Variants in ASB15 observed in about 807,000 individuals in gnomAD.
The protein encoded by ASB15 is ankyrin repeat and SOCS box containing 15.
In ASB15, 54 loss-of-function variants were observed where a neutral mutation model predicts 58.0. The ratio of observed to expected loss-of-function variants is 0.93; its 90% confidence interval spans 0.75 to 1.17. The LOEUF (loss-of-function observed/expected upper bound fraction) is 1.17. ASB15 is among the 50% of genes most tolerant of loss of function. The probability of loss-of-function intolerance (pLI) is 0.00; values close to 1 mark genes in which losing one functional copy is unlikely to be tolerated. For missense variants in ASB15, 680 were observed against 707.4 expected, an observed-to-expected ratio of 0.96 and a Z score of 0.44; for synonymous variants, 249 against 262.4, an observed-to-expected ratio of 0.95 and a Z score of 0.50.
At chr7:123,573,569 C>A (rs1422604764) in intron 1 of ASB15, among the ~76,000 whole-genome samples, 2 of 152,098 alleles carry the variant, frequency 1.3e-5, no homozygotes, top group Admixed American at 6.5e-5. Flanking sequence ...CTCCCTCCCC[C>A]TGCCATCCCA....
At chr7:123,617,448 G>C in intron 6 of ASB15, 131 bp from the exon 7 acceptor site, 1 of 835,512 alleles carries the variant, frequency 1.2e-6, no homozygotes, top group East Asian at 2.6e-5. Flanking sequence ...GTAAACTTTT[G>C]TCAAAGTCCT....
intron 11 of ASB15, among the ~76,000 whole-genome samples, chr7:123,631,621 CA>C (rs1388996414): frequency 6.6e-6 from 1 of 152,004 alleles, no homozygotes; most frequent in Admixed American, 6.5e-5. Context: ...AAAGGACCCA[CA>C]AAAAAGTTGG....
At chr7:123,577,130 T>C (rs1799088791) in intron 1 of ASB15, among the ~76,000 whole-genome samples, 1 of 152,204 alleles carries the variant, frequency 6.6e-6, no homozygotes, top group African/African-American at 2.4e-5. Flanking sequence ...CTCTGTCTTT[T>C]TCATATTATT....
At chr7:123,567,706 G>A (rs771351316) in intron 1 of ASB15, among the ~76,000 whole-genome samples, 2 of 152,222 alleles carry the variant, frequency 1.3e-5, no homozygotes, top group Middle Eastern at 3.4e-3. Context: ...TTCTGAAAAT[G>A]TACAGGGGAC....
At chr7:123,606,401 C>T (rs1326290923) in intron 2 of ASB15, among the ~76,000 whole-genome samples, 1 of 152,164 alleles carries the variant, frequency 6.6e-6, no homozygotes, top group Non-Finnish European at 1.5e-5. Flanking sequence ...GAGGTAGATG[C>T]TAAGCTAATT....
rs1193373660 is a variant in ASB15, at chr7:123,616,771, T to C, written c.292+276T>C. 3.3e-5 allele frequency among the ~76,000 whole-genome samples: 5 copies of C among 152,064 alleles called. No individual in the cohort carries two copies. The South Asian group carries it at 8.3e-4, about 25-fold the overall frequency. ...ATCACATAAAAGTGATAAAAGTTTCTATATATCATGAATTAATTGAGTCAT... is the reference window on the plus strand; with the variant it reads ...ATCACATAAAAGTGATAAAAGTTTCCATATATCATGAATTAATTGAGTCAT... On this transcript the variant is annotated intron_variant, in intron 6 of 11. Transcript: ENST00000451215.
At chr7:123,623,887 G>GAAAAGAA (rs539444999) in intron 7 of ASB15, among the ~76,000 whole-genome samples, 2 of 106,596 alleles carry the variant, frequency 1.9e-5, no homozygotes, top group Non-Finnish European at 3.9e-5. Context: ...GAAAAGAAAA[G>GAAAAGAA]AAGAAAGAAA....
At chr7:123,571,951 T>C (rs1798918363) in intron 1 of ASB15, among the ~76,000 whole-genome samples, 1 of 151,612 alleles carries the variant, frequency 6.6e-6, no homozygotes, top group Non-Finnish European at 1.5e-5. Context: ...TTTAATGTTT[T>C]TATAGAGATG....
At chr7:123,607,122 T>C (rs1209731574) in intron 2 of ASB15, among the ~76,000 whole-genome samples, 2 of 152,250 alleles carry the variant, frequency 1.3e-5, no homozygotes, top group Non-Finnish European at 2.9e-5. Context: ...TATTTCACAA[T>C]GTATACATAT....
At chr7:123,632,924 A>G (rs1211425548) in intron 11 of ASB15, among the ~76,000 whole-genome samples, 1 of 152,244 alleles carries the variant, frequency 6.6e-6, no homozygotes, top group Non-Finnish European at 1.5e-5. Flanking sequence ...TTTCATCAAC[A>G]ATACTTTATG....
At chr7:123,631,947 G>C (rs1802141039) in intron 11 of ASB15, among the ~76,000 whole-genome samples, 1 of 151,886 alleles carries the variant, frequency 6.6e-6, no homozygotes, top group South Asian at 2.1e-4. Flanking sequence ...GCGTGCTGGC[G>C]GGCGCCTGTA....
At chr7:123,631,998 A>G (rs990588433) in intron 11 of ASB15, among the ~76,000 whole-genome samples, 3 of 152,192 alleles carry the variant, frequency 2.0e-5, no homozygotes, top group African/African-American at 7.2e-5. Flanking sequence ...GAATGGCGTG[A>G]ACCCGGGAGG....
chr7:123,616,420 G>A lies in ASB15; in HGVS notation c.217G>A (p.Asp73Asn). Residue 73 changes from aspartate (D) to asparagine (N), a missense_variant, in exon 6 of 12, where the codon GAT becomes AAT. By Grantham distance (23) the Asp-to-Asn change is conservative. Transcript: ENST00000451215. ...ATATAAATATGCAATGGATGAAGCT[G>A]ATGAAAAAGGATGGTTTCCATTGCA... is the stretch of plus-strand genomic sequence containing the variant. ...VKYKYAMDEADEKGWFPLHEA... is the reference protein window; with the variant it reads ...VKYKYAMDEANEKGWFPLHEA... 1 of 1,607,006 alleles carries A rather than the reference G, an allele frequency of 6.2e-7. No individual in the cohort carries two copies. The highest frequency in any genetic ancestry group is 1.3e-5 in the African/African-American group (1 of 74,830).
intron 1 of ASB15, among the ~76,000 whole-genome samples, chr7:123,571,051 C>T (rs769711269): frequency 2.6e-5 from 4 of 152,258 alleles, no homozygotes; most frequent in East Asian, 1.9e-4. Flanking sequence ...TTCAAGTCTG[C>T]GTTCCAGGTC....
intron 1 of ASB15, among the ~76,000 whole-genome samples, chr7:123,578,654 T>C (rs1398553624): frequency 2.0e-5 from 3 of 152,082 alleles, no homozygotes; most frequent in African/African-American, 2.4e-5. Flanking sequence ...ATGAGAGAGA[T>C]TGCTGTTTAC....
At chr7:123,616,778 C>T (rs1279990209) in intron 6 of ASB15, among the ~76,000 whole-genome samples, 1 of 151,814 alleles carries the variant, frequency 6.6e-6, no homozygotes, top group East Asian at 1.9e-4. Flanking sequence ...TTCTATATAT[C>T]ATGAATTAAT....
intron 1 of ASB15, among the ~76,000 whole-genome samples, chr7:123,585,750 T>A (rs371185283): frequency 5.3e-5 from 8 of 151,742 alleles, no homozygotes; most frequent in Admixed American, 2.6e-4. Flanking sequence ...GTACATTAGA[T>A]CTCTAAAACT....
At chr7:123,623,910 G>A (rs1272178527) in intron 7 of ASB15, among the ~76,000 whole-genome samples, 3 of 96,778 alleles carry the variant, frequency 3.1e-5, no homozygotes, top group African/African-American at 1.2e-4. Context: ...ATGGAAGGAA[G>A]GAAGGAAGGA....
intron 7 of ASB15, 96 bp from the exon 8 acceptor site, chr7:123,624,473 G>T (rs1801630556): frequency 1.7e-6 from 2 of 1,207,154 alleles, no homozygotes; most frequent in Non-Finnish European, 2.3e-6. Context: ...TTACTAGCTA[G>T]TATCTATTTC....
Sources: allele counts gnomAD v4.1 joint callset (sites outside exome capture counted in the v4.1 genomes callset), GRCh38; gene constraint gnomAD v4.1.1; transcripts MANE v1.5; gene names NCBI Gene and HGNC (gene_info 2026-07-23, HGNC 2026-07-21).